NGEF: variants seen among roughly 807,000 people sequenced by gnomAD.
NGEF encodes ephexin-1.
Under a neutral mutation model 80.9 loss-of-function variants are expected in NGEF, and 31 were observed. The ratio of observed to expected loss-of-function variants is 0.38; its 90% confidence interval spans 0.29 to 0.52. The LOEUF (loss-of-function observed/expected upper bound fraction) is 0.52, where lower values mean the gene tolerates loss of function less well. Ranked by LOEUF, NGEF falls within the 20% of genes least tolerant of loss-of-function variation. NGEF has a pLI of 0.84. For synonymous variants in NGEF, 371 were observed against 370.2 expected, an observed-to-expected ratio of 1.00 and a Z score of -0.03; for missense variants, 709 against 926.2, an observed-to-expected ratio of 0.77 and a Z score of 3.04.
intron 3 of NGEF, among the ~76,000 whole-genome samples, chr2:232,964,575 T>G (rs1422791368): frequency 6.6e-6 from 1 of 151,978 alleles, no homozygotes; most frequent in Non-Finnish European, 1.5e-5. Context: ...GTGCCTGTAA[T>G]CCCACATATT....
At chr2:232,880,102 C>T (rs1306009831) in intron 14 of NGEF, among the ~76,000 whole-genome samples, 2 of 152,150 alleles carry the variant, frequency 1.3e-5, no homozygotes, top group African/African-American at 4.8e-5. Flanking sequence ...GGGTGGCAGC[C>T]GAGCATGTGG....
At chr2:232,911,408 G>A (rs565225069) in intron 5 of NGEF, among the ~76,000 whole-genome samples, 1 of 152,076 alleles carries the variant, frequency 6.6e-6, no homozygotes, top group Non-Finnish European at 1.5e-5. Flanking sequence ...CTTGATTACT[G>A]TAAACTTTTT....
chr2:232,907,477 G>A (rs1692593417), intron 5 of NGEF, among the ~76,000 whole-genome samples: 1 of 152,160 alleles, frequency 6.6e-6, no homozygotes, highest in African/African-American at 2.4e-5. Context: ...TCCCGGTTTT[G>A]TGTCGGTTAC....
chr2:232,974,033 A>G (rs2106323409), intron 2 of NGEF, among the ~76,000 whole-genome samples: 1 of 152,282 alleles, frequency 6.6e-6, no homozygotes, highest in Non-Finnish European at 1.5e-5. Flanking sequence ...CAACCACAGG[A>G]GCACGTCACA....
At chr2:232,978,550 G>A (rs1270419388) in intron 1 of NGEF, among the ~76,000 whole-genome samples, 1 of 152,004 alleles carries the variant, frequency 6.6e-6, no homozygotes, top group Non-Finnish European at 1.5e-5. Context: ...ATAACTTGCG[G>A]TATAATTTAC....
chr2:232,979,248 G>T (rs1694358419), intron 1 of NGEF, among the ~76,000 whole-genome samples: 1 of 151,902 alleles, frequency 6.6e-6, no homozygotes, highest in Non-Finnish European at 1.5e-5. Flanking sequence ...GTCCTTAGAG[G>T]GATGTTCATG....
At chr2:232,993,173 T>A (rs1231203407) in intron 1 of NGEF, among the ~76,000 whole-genome samples, 1 of 134,054 alleles carries the variant, frequency 7.5e-6, no homozygotes. Context: ...ATATTATATA[T>A]ATAAATAAAT....
Position 233,013,228 on chromosome 2 carries a change from G to C in NGEF, c.-235C>G. On this transcript the variant is annotated 5_prime_UTR_variant, in exon 1 of 15. Transcript: ENST00000264051. ...AGCCCACAGCCAAAAACTTCGTCCT[G>C]TCCTGGAAAAGCTTCACTGGTAAGC... 1 of 471,160 alleles carries C rather than the reference G, an allele frequency of 2.1e-6. No individual in the cohort carries two copies. Among genetic ancestry groups the C allele is most frequent in the Non-Finnish European group, 4.4e-6 (1 of 227,078 alleles). The allele number at this position is 471,160 out of a possible 1,614,324, so 29.2% of individuals were successfully genotyped here. A position where few individuals can be genotyped will look rare whatever the true frequency, so the allele number is the denominator to read the frequency against.
intron 7 of NGEF, among the ~76,000 whole-genome samples, 159 bp from the exon 8 acceptor site, chr2:232,891,646 G>A (rs1691888666): frequency 6.6e-6 from 1 of 152,210 alleles, no homozygotes; most frequent in Non-Finnish European, 1.5e-5. Flanking sequence ...AAAATAGACT[G>A]TTCACGTAAA....
chr2:232,965,189 A>G (rs1553555311), intron 3 of NGEF, among the ~76,000 whole-genome samples: 1 of 152,112 alleles, frequency 6.6e-6, no homozygotes, highest in Non-Finnish European at 1.5e-5. Context: ...TGCCATGTAG[A>G]GGTTTTTGTT....
At chr2:232,946,029 T>C (rs1037431961) in intron 3 of NGEF, among the ~76,000 whole-genome samples, 1 of 148,446 alleles carries the variant, frequency 6.7e-6, no homozygotes, top group South Asian at 2.2e-4. Flanking sequence ...TATATATATC[T>C]ATATGCAATA....
At chr2:232,900,986 C>T (rs1463086409) in intron 5 of NGEF, among the ~76,000 whole-genome samples, 2 of 152,222 alleles carry the variant, frequency 1.3e-5, no homozygotes, top group African/African-American at 4.8e-5. Context: ...GCCGCCTACA[C>T]CACCCTGTTC....
chr2:232,927,209 GGGGCT>G, intron 3 of NGEF, 23 bp from the exon 4 acceptor site: 2 of 1,540,598 alleles, frequency 1.3e-6, no homozygotes, highest in Non-Finnish European at 8.7e-7. Context: ...GAGGAGGACA[GGGGCT>G]GGTTATTTTT....
intron 1 of NGEF, among the ~76,000 whole-genome samples, chr2:232,979,025 C>T (rs1160341720): frequency 6.6e-6 from 1 of 152,130 alleles, no homozygotes; most frequent in African/African-American, 2.4e-5. Context: ...CTGTGCGGTG[C>T]CAGGGATGCA....
chr2:232,927,208 A>G lies in NGEF; in HGVS notation c.384-22T>C, dbSNP rs544291468. The G allele has an allele frequency of 2.6e-6, 4 of 1,543,930 alleles. No individual in the cohort carries two copies. The Admixed American group carries it at 8.3e-5, about 32-fold the overall frequency. On this transcript the variant is annotated intron_variant, in intron 3 of 14. Coordinates refer to ENST00000264051, the MANE Select transcript of NGEF (RefSeq NM_019850.3). ...CTCACTGCCAGAGAGGGAGGAGGACAGGGGCTGGTTATTTTTAAGCAAGGA... is the reference window on the plus strand; with the variant it reads ...CTCACTGCCAGAGAGGGAGGAGGACGGGGGCTGGTTATTTTTAAGCAAGGA...
chr2:232,956,206 G>A (rs1001838181), intron 3 of NGEF, among the ~76,000 whole-genome samples: 4 of 152,080 alleles, frequency 2.6e-5, no homozygotes, highest in African/African-American at 9.7e-5. Context: ...CACTCTGAGT[G>A]GTTGTCCCTG....
At chr2:232,956,973 G>A (rs1356445842) in intron 3 of NGEF, among the ~76,000 whole-genome samples, 5 of 151,948 alleles carry the variant, frequency 3.3e-5, no homozygotes, top group East Asian at 1.9e-4. Flanking sequence ...GAGAATTAAA[G>A]GGGGAAAAAA....
chr2:232,946,286 A>C (rs1693556367), intron 3 of NGEF, among the ~76,000 whole-genome samples: 1 of 151,832 alleles, frequency 6.6e-6, no homozygotes, highest in Non-Finnish European at 1.5e-5. Flanking sequence ...CTTGGGGGGA[A>C]GGTTGGGAAG....
At chr2:232,985,619 G>A (rs953909519) in intron 1 of NGEF, among the ~76,000 whole-genome samples, 2 of 152,058 alleles carry the variant, frequency 1.3e-5, no homozygotes, top group African/African-American at 2.4e-5. Flanking sequence ...TGGGCTTGGC[G>A]GCGGGTACCT....
Sources: allele counts gnomAD v4.1 joint callset (sites outside exome capture counted in the v4.1 genomes callset), GRCh38; gene constraint gnomAD v4.1.1; transcripts MANE v1.5; gene names NCBI Gene and HGNC (gene_info 2026-07-23, HGNC 2026-07-21).